Variants in STX6 observed in about 807,000 individuals in gnomAD.
The protein encoded by STX6 is syntaxin-6.
A neutral mutation model predicts 38.0 loss-of-function variants in STX6; 23 were observed. That is an observed-to-expected ratio of 0.60 (90% CI 0.43 to 0.86). The LOEUF is 0.86. Ranked by LOEUF, STX6 falls within the 40% of genes least tolerant of loss-of-function variation. STX6 has a pLI of 0.00. For missense variants in STX6, 274 were observed against 312.9 expected (o/e 0.88, Z 0.94); for synonymous variants, 123 against 107.5 (o/e 1.14, Z -0.89).
chr1:180,993,359 T>C lies in STX6; in HGVS notation c.363+4A>G. 3 of 1,515,478 alleles carry C rather than the reference T, an allele frequency of 2.0e-6. No homozygotes were observed. The highest frequency in any genetic ancestry group is 2.7e-6 in the Non-Finnish European group (3 of 1,091,644). 93.9% of individuals were successfully genotyped at this position (1,515,478 alleles called of 1,614,324 possible). A position where few individuals can be genotyped will look rare whatever the true frequency, so the allele number is the denominator to read the frequency against. On this transcript the variant is annotated splice_donor_region_variant and intron_variant, in intron 4 of 7. Coordinates refer to ENST00000258301, the MANE Select transcript of STX6 (RefSeq NM_005819.6). ...TTGATAATTATATTCTGATGTTTTC[T>C]CACCTGTCTATTTTTTCTTTCAGCT...
chr1:181,013,178 A>G (rs1656457932), intron 1 of STX6, among the ~76,000 whole-genome samples: 1 of 152,266 alleles, frequency 6.6e-6, no homozygotes, highest in Middle Eastern at 3.4e-3. Context: ...AAAATCACAA[A>G]GTTTTCTTAC....
At chr1:181,012,442 C>T (rs191619089) in intron 1 of STX6, among the ~76,000 whole-genome samples, 6 of 152,268 alleles carry the variant, frequency 3.9e-5, no homozygotes, top group African/African-American at 1.2e-4. Flanking sequence ...GTCTACAAAA[C>T]AGCCCATCAA....
intron 1 of STX6, among the ~76,000 whole-genome samples, chr1:181,015,063 C>A (rs926260126): frequency 1.3e-5 from 2 of 152,170 alleles, no homozygotes; most frequent in Non-Finnish European, 2.9e-5. Context: ...GTCTCTGTGA[C>A]ATTGTGCTGT....
At chr1:181,010,628 T>C (rs1163697381) in intron 1 of STX6, among the ~76,000 whole-genome samples, 2 of 152,080 alleles carry the variant, frequency 1.3e-5, no homozygotes, top group Non-Finnish European at 2.9e-5. Context: ...TAGGGGAATA[T>C]GACTCTTTTT....
intron 6 of STX6, among the ~76,000 whole-genome samples, chr1:180,986,107 T>C (rs1327340080): frequency 6.6e-6 from 1 of 152,246 alleles, no homozygotes; most frequent in Non-Finnish European, 1.5e-5. Context: ...GGTATGACTT[T>C]TCATACTGAA....
chr1:180,984,836 G>T, intron 6 of STX6, 65 bp from the exon 7 acceptor site: 2 of 671,110 alleles, frequency 3.0e-6, no homozygotes, highest in Non-Finnish European at 5.4e-6. Context: ...ACTTGCACTG[G>T]GTTAAAAGGA....
intron 3 of STX6, among the ~76,000 whole-genome samples, chr1:181,000,376 C>G (rs2102317710): frequency 6.6e-6 from 1 of 152,288 alleles, no homozygotes; most frequent in East Asian, 1.9e-4. Context: ...AGGAAACTTA[C>G]AATCATGGCA....
At chr1:181,020,561 CA>C (rs995573026) in intron 1 of STX6, among the ~76,000 whole-genome samples, 1 of 152,140 alleles carries the variant, frequency 6.6e-6, no homozygotes. Context: ...GCAGGAAGAA[CA>C]ATTAAAAAGA....
intron 1 of STX6, among the ~76,000 whole-genome samples, chr1:181,022,244 C>G (rs76701751): frequency 2.0e-5 from 3 of 152,320 alleles, no homozygotes; most frequent in Non-Finnish European, 4.4e-5. Flanking sequence ...AGGGCCATTT[C>G]CCTTTTCCTG....
rs1305109530 is a variant in STX6, at chr1:181,002,720, T to A, written c.206-20A>T. 1 of 1,527,862 alleles carries A rather than the reference T, an allele frequency of 6.5e-7. No individual in the cohort carries two copies. Among genetic ancestry groups the A allele is most frequent in the African/African-American group, 1.4e-5 (1 of 72,892 alleles). 94.6% of individuals were successfully genotyped at this position (1,527,862 alleles called of 1,614,324 possible). On this transcript the variant is annotated intron_variant, in intron 2 of 7. Coordinates refer to ENST00000258301, the MANE Select transcript of STX6 (RefSeq NM_005819.6). Reference sequence around the variant, plus strand: ...CTATGCGTAGGTCAAAAAGTCAAGGTAAAACAATTTCATCATCAAAGCCTG... The same window carrying A: ...CTATGCGTAGGTCAAAAAGTCAAGGAAAAACAATTTCATCATCAAAGCCTG...
Position 180,972,865 on chromosome 1 carries a change from A to C in STX6, c.*3705T>G. 4.6e-6 allele frequency: 1 copy of C among 216,656 alleles called. No homozygotes were observed. Among genetic ancestry groups the C allele is most frequent in the Non-Finnish European group, 9.4e-6 (1 of 105,970 alleles). The allele number at this position is 216,656 out of a possible 1,614,324, so 13.4% of individuals were successfully genotyped here. ...TTTCAGCAAATTCTGGTTTGGTTTTATTTTTTAATCAAAAAAAAAAAAAGG... is the reference window on the plus strand; with the variant it reads ...TTTCAGCAAATTCTGGTTTGGTTTTCTTTTTTAATCAAAAAAAAAAAAAGG... On this transcript the variant is annotated 3_prime_UTR_variant, in exon 8 of 8. Transcript: ENST00000258301.
chr1:180,987,529 A>G (rs1484214970), intron 6 of STX6, among the ~76,000 whole-genome samples: 1 of 152,062 alleles, frequency 6.6e-6, no homozygotes, highest in East Asian at 1.9e-4. Context: ...CCCACTAAGA[A>G]TTCATAATCA....
intron 6 of STX6, 26 bp downstream of exon 6, chr1:180,988,194 TGCCCCTCAATTTCACTGAA>T: frequency 7.0e-7 from 1 of 1,435,060 alleles, no homozygotes; most frequent in Non-Finnish European, 9.8e-7. Flanking sequence ...AGGATGGCTC[TGCCCCTCAATTTCACTGAA>T]GCGAGAGGGG....
At chr1:181,013,909 C>T (rs1656480670) in intron 1 of STX6, among the ~76,000 whole-genome samples, 1 of 152,176 alleles carries the variant, frequency 6.6e-6, no homozygotes, top group Admixed American at 6.5e-5. Flanking sequence ...TCAGGGTAGC[C>T]TATACTTGTG....
chr1:181,007,349 G>C (rs1331557554), intron 1 of STX6, among the ~76,000 whole-genome samples: 2 of 152,136 alleles, frequency 1.3e-5, no homozygotes, highest in Admixed American at 1.3e-4. Context: ...TACATGTTCA[G>C]TAGGGATGCA....
At chr1:181,004,350 C>A (rs1375947105) in intron 2 of STX6, among the ~76,000 whole-genome samples, 1 of 152,198 alleles carries the variant, frequency 6.6e-6, no homozygotes, top group African/African-American at 2.4e-5. Context: ...TAGATAGCCT[C>A]AGGACGAGGG....
At chr1:181,006,047 A>G (rs1465460330) in intron 1 of STX6, among the ~76,000 whole-genome samples, 4 of 152,108 alleles carry the variant, frequency 2.6e-5, no homozygotes, top group Admixed American at 2.6e-4. Flanking sequence ...GCAATACCAT[A>G]TACCAGATTA....
chr1:180,998,060 C>A (rs1487732981), intron 3 of STX6, among the ~76,000 whole-genome samples: 4 of 152,084 alleles, frequency 2.6e-5, no homozygotes, highest in Non-Finnish European at 5.9e-5. Context: ...ATACAACTGC[C>A]CTGCATTGGG....
At position 180,996,273 on chromosome 1, in the gene STX6, C is replaced by G. The variant is rs886834546; in HGVS notation, c.301-2848G>C. Among the ~76,000 whole-genome samples, 11 of 151,966 alleles carry G rather than the reference C, an allele frequency of 7.2e-5. No individual in the cohort carries two copies. In the South Asian group the frequency reaches 1.7e-3, roughly 23 times the overall value. ...AAAAAAAGTAGAAATAAGCAGCAAG[C>G]CCAAATAAGGGAACAGCAACACAAT... On this transcript the variant is annotated intron_variant, in intron 3 of 7. Transcript: ENST00000258301.
Sources: gnomAD v4.1 joint callset for allele counts (sites outside exome capture counted in the v4.1 genomes callset) on GRCh38, gnomAD v4.1.1 for gene constraint, MANE v1.5 for transcripts, NCBI Gene and HGNC (gene_info 2026-07-23, HGNC 2026-07-21) for gene names.